Variants in UBE2F observed in about 807,000 individuals in gnomAD.
The protein encoded by UBE2F is NEDD8-conjugating enzyme UBE2F.
In UBE2F, 5 loss-of-function variants were observed where a neutral mutation model predicts 29.6. That is an observed-to-expected ratio of 0.17 (90% CI 0.09 to 0.36). The LOEUF is 0.36. Among genes scored for constraint, UBE2F ranks in the 10% least tolerant of loss-of-function variants. UBE2F has a pLI of 1.00. For synonymous variants in UBE2F, 66 were observed against 81.8 expected, an observed-to-expected ratio of 0.81 and a Z score of 1.04; for missense variants, 141 against 228.5, an observed-to-expected ratio of 0.62 and a Z score of 2.47.
At chr2:237,987,378 T>G (rs1376882692) in intron 2 of UBE2F, among the ~76,000 whole-genome samples, 1 of 152,204 alleles carries the variant, frequency 6.6e-6, no homozygotes, top group Non-Finnish European at 1.5e-5. Flanking sequence ...CTTGTCTGAT[T>G]GCTCTGGTTT....
chr2:237,998,812 T>C (rs2063736457), intron 4 of UBE2F, among the ~76,000 whole-genome samples: 1 of 152,190 alleles, frequency 6.6e-6, no homozygotes, highest in Non-Finnish European at 1.5e-5. Context: ...CATTTGGGTG[T>C]GAAATGGTAT....
chr2:238,020,897 C>T (rs1042540800), intron 5 of UBE2F, among the ~76,000 whole-genome samples: 2 of 152,170 alleles, frequency 1.3e-5, no homozygotes, highest in Non-Finnish European at 2.9e-5. Context: ...GGGAGACAGA[C>T]GCTGACATGA....
At chr2:238,020,334 AG>A (rs2064263355) in intron 5 of UBE2F, among the ~76,000 whole-genome samples, 1 of 152,158 alleles carries the variant, frequency 6.6e-6, no homozygotes, top group South Asian at 2.1e-4. Flanking sequence ...TAATTCAGTC[AG>A]CATAGGAAAA....
At chr2:237,975,116 T>G (rs532239761) in intron 2 of UBE2F, among the ~76,000 whole-genome samples, 321 of 152,062 alleles carry the variant, frequency 2.1e-3, no homozygotes, top group African/African-American at 6.5e-3. Context: ...TTTTTTTTTT[T>G]TTTTGAGACA....
At chr2:238,022,799 G>A (rs1159482183) in intron 5 of UBE2F, among the ~76,000 whole-genome samples, 1 of 152,156 alleles carries the variant, frequency 6.6e-6, no homozygotes, top group Non-Finnish European at 1.5e-5. Context: ...GAATGTGGGA[G>A]GGCTGGGCAT....
In UBE2F at chr2:238,025,384, A is replaced by T; in HGVS notation, c.325A>T (p.Ile109Phe). The T allele has an allele frequency of 6.2e-7, 1 of 1,614,050 alleles. No homozygotes were observed. Among genetic ancestry groups the T allele is most frequent in the Non-Finnish European group, 8.5e-7 (1 of 1,179,954 alleles). The change falls in exon 6 of 10, where the codon ATC (isoleucine) becomes TTC (phenylalanine). Residue 109 changes from isoleucine to phenylalanine, a missense_variant. Coordinates refer to ENST00000272930, the MANE Select transcript of UBE2F (RefSeq NM_080678.3). Reference protein sequence around the residue: ...KCLTKIWHPNITETGEICLSL... With the variant: ...KCLTKIWHPNFTETGEICLSL... ...CCTGACCAAGATCTGGCACCCCAAC[A>T]TCACAGAGACAGGGGAAATATGTCT... is the stretch of plus-strand genomic sequence containing the variant.
At chr2:238,013,959 T>G (rs188757561) in intron 4 of UBE2F, among the ~76,000 whole-genome samples, 1 of 152,324 alleles carries the variant, frequency 6.6e-6, no homozygotes, top group East Asian at 1.9e-4. Context: ...CCTGGACTTG[T>G]GTACTGTGCT....
At chr2:237,984,695 C>T (rs141169934) in intron 2 of UBE2F, among the ~76,000 whole-genome samples, 265 of 152,342 alleles carry the variant, frequency 1.7e-3, no homozygotes, top group African/African-American at 6.1e-3. Context: ...TACCCTTCCC[C>T]ATGCCCTGCT....
At chr2:237,989,694 G>A (rs2063544144) in intron 3 of UBE2F, among the ~76,000 whole-genome samples, 3 of 152,142 alleles carry the variant, frequency 2.0e-5, no homozygotes, top group Admixed American at 2.0e-4. Context: ...GGTAGGTATC[G>A]TGAGTTGTGA....
intron 2 of UBE2F, among the ~76,000 whole-genome samples, chr2:237,979,208 CCT>C (rs904429775): frequency 1.3e-5 from 2 of 152,186 alleles, no homozygotes; most frequent in African/African-American, 2.4e-5. Context: ...CCAATCAGCC[CCT>C]GAGTCCCAGG....
intron 4 of UBE2F, among the ~76,000 whole-genome samples, chr2:238,015,003 C>T (rs2121473): frequency 0.86 from 130,233 of 152,214 alleles, 55,863 homozygotes; most frequent in East Asian, 0.97. Context: ...TAATAAACGC[C>T]GTTGGGGTGA....
intron 7 of UBE2F, among the ~76,000 whole-genome samples, chr2:238,030,835 C>T (rs1424300935): frequency 6.6e-6 from 1 of 152,222 alleles, no homozygotes; most frequent in Non-Finnish European, 1.5e-5. Flanking sequence ...TTGCCAGGCA[C>T]CATTCTAGAA....
At chr2:238,013,084 G>A (rs1034172396) in intron 4 of UBE2F, among the ~76,000 whole-genome samples, 5 of 151,996 alleles carry the variant, frequency 3.3e-5, no homozygotes. Context: ...TGAGACCAGC[G>A]TGGGCAGCAT....
At position 238,041,283 on chromosome 2, in the gene UBE2F, C is replaced by T. The variant is rs762980203; in HGVS notation, c.508-5C>T. 2 of 1,613,710 alleles carry T rather than the reference C, an allele frequency of 1.2e-6. No homozygotes were observed. The highest frequency in any genetic ancestry group is 3.3e-5 in the Admixed American group (2 of 60,000). On this transcript the variant is annotated splice_polypyrimidine_tract_variant and splice_region_variant and intron_variant, in intron 9 of 9. Coordinates refer to ENST00000272930, the MANE Select transcript of UBE2F (RefSeq NM_080678.3). ...CTTTCTGTCCCCAATGCTGTTACTC[C>T]ACAGGAGGACTTCCGGAATAAAGTG...
intron 2 of UBE2F, among the ~76,000 whole-genome samples, chr2:237,981,306 C>T (rs113809658): frequency 6.6e-6 from 1 of 152,146 alleles, no homozygotes; most frequent in Admixed American, 6.5e-5. Context: ...AATTTGCCCT[C>T]GTTGGAAGTG....
intron 4 of UBE2F, chr2:238,003,658 T>G (rs2063842730): frequency 2.3e-5 from 4 of 174,314 alleles, no homozygotes; most frequent in Non-Finnish European, 5.0e-5. Context: ...AAATCTTAAG[T>G]TTTTTGGCAT....
At chr2:238,025,283 T>G in intron 5 of UBE2F, 59 bp from the exon 6 acceptor site, 9 of 1,439,058 alleles carry the variant, frequency 6.3e-6, no homozygotes, top group Non-Finnish European at 8.8e-6. Flanking sequence ...GGCTCTGGCC[T>G]GGAGATGTGA....
At chr2:238,031,684 C>T (rs1241241022) in intron 7 of UBE2F, among the ~76,000 whole-genome samples, 1 of 152,052 alleles carries the variant, frequency 6.6e-6, no homozygotes, top group Non-Finnish European at 1.5e-5. Flanking sequence ...ACAACTCTGG[C>T]TTTCAGTTTT....
At chr2:238,002,796 TA>T (rs952546312) in intron 4 of UBE2F, among the ~76,000 whole-genome samples, 61 of 150,732 alleles carry the variant, frequency 4.0e-4, no homozygotes, top group Admixed American at 1.3e-3. Context: ...TTTATTTATT[TA>T]TTTTTTTTAT....
Sources: allele counts gnomAD v4.1 joint callset (sites outside exome capture counted in the v4.1 genomes callset), GRCh38; gene constraint gnomAD v4.1.1; transcripts MANE v1.5; gene names NCBI Gene and HGNC (gene_info 2026-07-23, HGNC 2026-07-21).